GABRA1: variants seen among roughly 807,000 people sequenced by gnomAD.
GABRA1 encodes the protein gamma-aminobutyric acid receptor subunit alpha-1.
A neutral mutation model predicts 48.9 loss-of-function variants in GABRA1; 9 were observed. The ratio of observed to expected loss-of-function variants is 0.18; its 90% confidence interval spans 0.11 to 0.32. The LOEUF (loss-of-function observed/expected upper bound fraction) is 0.32, where lower values mean the gene tolerates loss of function less well. Ranked by LOEUF, GABRA1 falls within the 10% of genes least tolerant of loss-of-function variation. The pLI is 1.00. For synonymous variants in GABRA1, 210 were observed against 198.7 expected (o/e 1.06, Z -0.48); for missense variants, 285 against 553.8 (o/e 0.51, Z 4.87).
intron 7 of GABRA1, among the ~76,000 whole-genome samples, chr5:161,887,475 C>T (rs1220987527): frequency 2.0e-5 from 3 of 151,936 alleles, no homozygotes; most frequent in Non-Finnish European, 4.4e-5. Flanking sequence ...GTCATTTGGT[C>T]AAACCATTTA....
intron 1 of GABRA1, chr5:161,848,860 G>A: frequency 2.4e-6 from 1 of 411,742 alleles, no homozygotes; most frequent in South Asian, 1.7e-5. Context: ...ACGCTGGGAC[G>A]GAAAACCTGT....
At chr5:161,861,150 G>A (rs553414711) in intron 3 of GABRA1, among the ~76,000 whole-genome samples, 155 of 151,798 alleles carry the variant, frequency 1.0e-3, no homozygotes, top group African/African-American at 3.6e-3. Context: ...ATAACAAAAT[G>A]CTACCCTGTG....
At chr5:161,850,613 A>C (rs1757402483) in intron 1 of GABRA1, 183 bp from the exon 2 acceptor site, 2 of 618,826 alleles carry the variant, frequency 3.2e-6, no homozygotes, top group Non-Finnish European at 5.8e-6. Flanking sequence ...CTGAATGGAG[A>C]AATGGAAGGG....
At chr5:161,892,462 C>T (rs1440784381) in intron 8 of GABRA1, among the ~76,000 whole-genome samples, 1 of 152,202 alleles carries the variant, frequency 6.6e-6, no homozygotes, top group South Asian at 2.1e-4. Context: ...TTGGCAAACA[C>T]CAAATCATTG....
At chr5:161,871,467 G>A (rs963963429) in intron 4 of GABRA1, among the ~76,000 whole-genome samples, 1 of 152,118 alleles carries the variant, frequency 6.6e-6, no homozygotes, top group Non-Finnish European at 1.5e-5. Context: ...ATCCAGAGAG[G>A]AAAACCTGCA....
At chr5:161,849,049 CGT>C (rs1283758856) in intron 1 of GABRA1, 2 of 443,308 alleles carry the variant, frequency 4.5e-6, no homozygotes, top group Admixed American at 2.4e-5. Context: ...ACGTTTGGAG[CGT>C]GTGTCTGGGG....
intron 4 of GABRA1, among the ~76,000 whole-genome samples, chr5:161,870,721 T>A (rs1006294989): frequency 1.3e-5 from 2 of 152,192 alleles, no homozygotes; most frequent in Non-Finnish European, 2.9e-5. Flanking sequence ...CTTGGTCTAA[T>A]GAACTGTGCC....
intron 7 of GABRA1, among the ~76,000 whole-genome samples, chr5:161,883,102 C>T (rs1387432460): frequency 6.6e-6 from 1 of 152,154 alleles, no homozygotes; most frequent in Admixed American, 6.6e-5. Context: ...CCTGACCCAT[C>T]AAAAGCTTTT....
At chr5:161,868,545 G>C (rs1382823085) in intron 4 of GABRA1, among the ~76,000 whole-genome samples, 8 of 152,048 alleles carry the variant, frequency 5.3e-5, no homozygotes, top group Admixed American at 4.6e-4. Flanking sequence ...AACATCAAGA[G>C]AGGGCATGCA....
chr5:161,891,669 C>T (rs985171619), intron 8 of GABRA1, among the ~76,000 whole-genome samples: 6 of 152,098 alleles, frequency 3.9e-5, no homozygotes, highest in Non-Finnish European at 7.4e-5. Context: ...CTTATTTCCT[C>T]ATGTATTATT....
rs1440820645 is a variant in GABRA1 at position 161,897,970 on chromosome 5, A to G, written c.*548A>G. 6.6e-6 allele frequency: 1 copy of G among 151,650 alleles called. No homozygotes were observed. Among genetic ancestry groups the G allele is most frequent in the Non-Finnish European group, 1.5e-5 (1 of 67,932 alleles). The allele number at this position is 151,650 out of a possible 1,614,324, so 9.4% of individuals were successfully genotyped here. On this transcript the variant is annotated 3_prime_UTR_variant, in exon 10 of 10. Coordinates refer to ENST00000393943, the MANE Select transcript of GABRA1 (RefSeq NM_001127644.2). ...TAACATTTTGTTTCCAAAGCTGAAGATCCCCATTCTTTCTCTTTGAAAAAA... is the reference window on the plus strand; with the variant it reads ...TAACATTTTGTTTCCAAAGCTGAAGGTCCCCATTCTTTCTCTTTGAAAAAA...
chr5:161,874,729 A>G (rs1034655774), intron 5 of GABRA1, among the ~76,000 whole-genome samples: 5 of 152,152 alleles, frequency 3.3e-5, no homozygotes, highest in African/African-American at 1.2e-4. Flanking sequence ...TTAATGATTG[A>G]CTATAAATCT....
chr5:161,865,835 TTA>T, intron 4 of GABRA1, 47 bp downstream of exon 4: 1 of 1,532,156 alleles, frequency 6.5e-7, no homozygotes, highest in Non-Finnish European at 9.0e-7. Flanking sequence ...TTTTTAAAAT[TTA>T]ACTTTTCAAA....
rs1755445691 is a variant in GABRA1 at position 161,897,889 on chromosome 5, C to T, written c.*467C>T. The T allele has an allele frequency of 1.9e-5, 3 of 156,190 alleles. No individual in the cohort carries two copies. In the South Asian group the frequency reaches 5.8e-4, roughly 30 times the overall value. 9.7% of individuals were successfully genotyped at this position (156,190 alleles called of 1,614,324 possible). Reference sequence around the variant, plus strand: ...ATTTTAAAAATCTACGTCTTTATTACACAAACTATGGTGTGCTTATGTTTT... The same window carrying T: ...ATTTTAAAAATCTACGTCTTTATTATACAAACTATGGTGTGCTTATGTTTT... On this transcript the variant is annotated 3_prime_UTR_variant, in exon 10 of 10. Coordinates refer to ENST00000393943, the MANE Select transcript of GABRA1 (RefSeq NM_001127644.2).
intron 7 of GABRA1, among the ~76,000 whole-genome samples, chr5:161,886,655 A>T (rs1273461031): frequency 6.6e-6 from 1 of 152,044 alleles, no homozygotes; most frequent in Non-Finnish European, 1.5e-5. Context: ...GCATGTTTGT[A>T]GTCCCAGCCA....
At chr5:161,883,199 G>A (rs77105946) in intron 7 of GABRA1, among the ~76,000 whole-genome samples, 2,797 of 152,140 alleles carry the variant, frequency 0.018, 36 homozygotes, top group Middle Eastern at 0.041. Flanking sequence ...ATTATTACAC[G>A]CAGGACATCA....
rs1757549400 is a variant in GABRA1 at position 161,854,030 on chromosome 5, A to G, written c.75-128A>G. ...AAATAACATTCCTTTTTACCTTGTG[A>G]AAAAATAATTTTCAAGTTAAGATTC... On this transcript the variant is annotated intron_variant, in intron 2 of 9. Transcript: ENST00000393943. 4 of 539,632 alleles carry G rather than the reference A, an allele frequency of 7.4e-6. No individual in the cohort carries two copies. In the Admixed American group the frequency reaches 1.4e-4, roughly 18 times the overall value. The allele number at this position is 539,632 out of a possible 1,614,324, so 33.4% of individuals were successfully genotyped here. A position where few individuals can be genotyped will look rare whatever the true frequency, so the allele number is the denominator to read the frequency against.
chr5:161,889,112 G>A (rs1754976946), intron 7 of GABRA1, among the ~76,000 whole-genome samples: 1 of 151,976 alleles, frequency 6.6e-6, no homozygotes. Flanking sequence ...TTAGTAAAGG[G>A]CAGGTGCTAT....
chr5:161,862,487 T>G (rs1297523386), intron 3 of GABRA1, among the ~76,000 whole-genome samples: 3 of 151,930 alleles, frequency 2.0e-5, no homozygotes, highest in Non-Finnish European at 4.4e-5. Flanking sequence ...TTTTATCTCT[T>G]CAAATGACAT....
Sources: gnomAD v4.1 joint callset for allele counts (sites outside exome capture counted in the v4.1 genomes callset) on GRCh38, gnomAD v4.1.1 for gene constraint, MANE v1.5 for transcripts, NCBI Gene and HGNC (gene_info 2026-07-23, HGNC 2026-07-21) for gene names.